Variants in WNT5A observed in about 807,000 individuals in gnomAD.
WNT5A encodes protein Wnt-5a.
Under a neutral mutation model 42.1 loss-of-function variants are expected in WNT5A, and 9 were observed. The observed-to-expected ratio is 0.21, with a 90% CI of 0.13 to 0.37. WNT5A has a LOEUF of 0.37. Among genes scored for constraint, WNT5A ranks in the 10% least tolerant of loss-of-function variants. The pLI, the probability that WNT5A is intolerant of heterozygous loss-of-function variation, is 1.00. For synonymous variants in WNT5A, 210 were observed against 210.0 expected (o/e 1.00, Z 0.00); for missense variants, 426 against 534.0 (o/e 0.80, Z 1.99).
upstream of WNT5A, chr3:55,489,008 A>AT (rs887580520): frequency 9.4e-5 from 10 of 106,248 alleles, no homozygotes; most frequent in African/African-American, 3.8e-4. Flanking sequence ...GGCCCAGAGC[A>AT]TGAGGCGCGA....
At chr3:55,503,480 G>A in the WNT5A span, among the ~76,000 whole-genome samples, 1 of 152,202 alleles carries the variant, frequency 6.6e-6, no homozygotes, top group Non-Finnish European at 1.5e-5. Flanking sequence ...GCATGCTGTG[G>A]AGTCAGGATT....
the WNT5A span, among the ~76,000 whole-genome samples, chr3:55,496,117 T>C: frequency 6.6e-6 from 1 of 151,556 alleles, no homozygotes; most frequent in Non-Finnish European, 1.5e-5. Context: ...CTGATGTAAT[T>C]CTAAACAGCA....
the WNT5A span, among the ~76,000 whole-genome samples, chr3:55,497,842 A>C: frequency 2.0e-5 from 3 of 152,166 alleles, no homozygotes; most frequent in African/African-American, 7.2e-5. Context: ...AAGAGCCAAG[A>C]GAGGTGGGAA....
At chr3:55,496,622 C>G in the WNT5A span, among the ~76,000 whole-genome samples, 20 of 152,282 alleles carry the variant, frequency 1.3e-4, no homozygotes, top group South Asian at 2.1e-3. Flanking sequence ...TGATCCTCCC[C>G]CTGTGGCCCT....
the WNT5A span, among the ~76,000 whole-genome samples, chr3:55,495,664 G>A: frequency 7.2e-5 from 11 of 152,070 alleles, no homozygotes; most frequent in Non-Finnish European, 1.6e-4. Context: ...GGGAGTGCAG[G>A]TACCTTTTTA....
At chr3:55,488,511 GA>G (rs139221794), upstream of WNT5A, among the ~76,000 whole-genome samples, 15 of 151,656 alleles carry the variant, frequency 9.9e-5, no homozygotes, top group South Asian at 2.1e-4. Context: ...GGGGAAGAAA[GA>G]AAAAACTCAA....
At chr3:55,482,566 T>C (rs2051488909) in intron 1 of WNT5A, among the ~76,000 whole-genome samples, 1 of 152,128 alleles carries the variant, frequency 6.6e-6, no homozygotes, top group African/African-American at 2.4e-5. Context: ...AAGGTTTTTC[T>C]CCGTGAGCCG....
chr3:55,473,348 C>T (rs557292069), intron 4 of WNT5A, among the ~76,000 whole-genome samples: 1 of 152,292 alleles, frequency 6.6e-6, no homozygotes, highest in Admixed American at 6.5e-5. Context: ...GTTCCTGGCA[C>T]CTACCTTGGG....
At position 55,480,829 on chromosome 3, in the gene WNT5A, T is replaced by C. The variant is rs1213316012; in HGVS notation, c.96A>G (p.Ile32Met). 3 of 1,579,804 alleles carry C rather than the reference T, an allele frequency of 1.9e-6. No individual in the cohort carries two copies. The highest frequency in any genetic ancestry group is 1.3e-5 in the African/African-American group (1 of 74,094). The change falls in exon 2 of 5, where the codon ATA becomes ATG. Residue 32 changes from isoleucine (I) to methionine (M), a missense_variant. Physicochemically the swap from Ile to Met is conservative, Grantham distance 10. Transcript: ENST00000264634. ...SSKFFLVALAIFFSFAQVVIE... is the reference protein window; with the variant it reads ...SSKFFLVALAMFFSFAQVVIE... ...TTACAACCTGGGCGAAGGAGAAAAA[T>C]ATGGCCAAAGCCACTAGGAAGAACT... is the stretch of plus-strand genomic sequence containing the variant.
chr3:55,498,617 C>T, the WNT5A span, among the ~76,000 whole-genome samples: 4 of 152,216 alleles, frequency 2.6e-5, no homozygotes. Flanking sequence ...GCACCTTTGA[C>T]TCTCCTCTGA....
Position 55,465,847 on chromosome 3 carries a change from C to CT in WNT5A, c.*4244dup, listed in dbSNP as rs1325894772. On this transcript the variant is annotated 3_prime_UTR_variant, in exon 5 of 5. Transcript: ENST00000264634. ...TCTAAGATGCAATTTTCCTCCATTC[C>CT]TTTTTTGCTTTTAAAATACTGAGAC... The CT allele has an allele frequency of 6.6e-6, 1 of 151,914 alleles. No individual in the cohort carries two copies. Among genetic ancestry groups the CT allele is most frequent in the Non-Finnish European group, 1.5e-5 (1 of 67,974 alleles). 9.4% of individuals were successfully genotyped at this position (151,914 alleles called of 1,614,324 possible).
At position 55,467,016 on chromosome 3, in the gene WNT5A, T is replaced by C. The variant is rs1287533952; in HGVS notation, c.*3076A>G. On this transcript the variant is annotated 3_prime_UTR_variant, in exon 5 of 5. Coordinates refer to ENST00000264634, the MANE Select transcript of WNT5A (RefSeq NM_003392.7). The stretch of plus-strand genomic sequence containing the variant: ...CCGTGTACATTTTTGAAAAGCACAA[T>C]AACTTGTATTAATTGCACTTAACAC... 1 of 152,188 alleles carries C rather than the reference T, an allele frequency of 6.6e-6. No individual in the cohort carries two copies. Among genetic ancestry groups the C allele is most frequent in the Admixed American group, 6.5e-5 (1 of 15,288 alleles). 9.4% of individuals were successfully genotyped at this position (152,188 alleles called of 1,614,324 possible). A position where few individuals can be genotyped will look rare whatever the true frequency, so the allele number is the denominator to read the frequency against.
chr3:55,488,391 C>A (rs2051614676), upstream of WNT5A: 1 of 146,852 alleles, frequency 6.8e-6, no homozygotes, highest in Non-Finnish European at 1.5e-5. Context: ...ACTCCTCTTT[C>A]CCCTGGTGTT....
the WNT5A span, among the ~76,000 whole-genome samples, chr3:55,503,626 G>A: frequency 1.3e-5 from 2 of 152,200 alleles, no homozygotes; most frequent in African/African-American, 4.8e-5. Flanking sequence ...CCACAGGCTT[G>A]CAGGGCTCCA....
At chr3:55,471,370 A>G (rs2051248595) in intron 4 of WNT5A, among the ~76,000 whole-genome samples, 2 of 152,116 alleles carry the variant, frequency 1.3e-5, no homozygotes, top group Admixed American at 1.3e-4. Context: ...CCGCTAGGCT[A>G]AGAGCACCCA....
chr3:55,492,583 A>C (rs2051671966), upstream of WNT5A, among the ~76,000 whole-genome samples: 1 of 152,164 alleles, frequency 6.6e-6, no homozygotes, highest in African/African-American at 2.4e-5. Context: ...GAGTAGAGGT[A>C]GGGGCTGGGA....
the WNT5A span, among the ~76,000 whole-genome samples, chr3:55,503,827 T>C: frequency 6.6e-6 from 1 of 152,166 alleles, no homozygotes; most frequent in East Asian, 1.9e-4. Flanking sequence ...TGCGTACCAA[T>C]AGTCCCAGCT....
rs1012443362 is a variant in WNT5A, at chr3:55,483,286, C to T, written c.7-2368G>A. Among the ~76,000 whole-genome samples the T allele has an allele frequency of 1.3e-5, 2 of 152,136 alleles. No individual in the cohort carries two copies. Among genetic ancestry groups the T allele is most frequent in the African/African-American group, 2.4e-5 (1 of 41,432 alleles). ...GATCGGAAAGGAGAGCCTCACGAGT[C>T]GCATCTCCACTTAACCCCGCCGCTT... On this transcript the variant is annotated intron_variant, in intron 1 of 4. Transcript: ENST00000264634. This position sits in a 1 kb window ranked among gnomAD's most constrained non-coding sequence, Gnocchi z 4.2.
chr3:55,486,097 G>A (rs933828982), intron 1 of WNT5A, among the ~76,000 whole-genome samples: 1 of 152,138 alleles, frequency 6.6e-6, no homozygotes, highest in African/African-American at 2.4e-5. Flanking sequence ...TGTGTGATTC[G>A]GCTTTAACAT....
Sources: gnomAD v4.1 joint callset for allele counts (sites outside exome capture counted in the v4.1 genomes callset) on GRCh38, gnomAD v4.1.1 for gene constraint, Gnocchi (gnomAD v3.1) non-coding constraint, MANE v1.5 for transcripts, NCBI Gene and HGNC (gene_info 2026-07-23, HGNC 2026-07-21) for gene names.